TOR1B: variants seen among roughly 807,000 people sequenced by gnomAD.
TOR1B encodes the protein torsin-1B.
TOR1B carries 14 observed loss-of-function variants against 29.2 expected under a neutral mutation model. That is an observed-to-expected ratio of 0.48 (90% confidence interval 0.32 to 0.75). TOR1B has a LOEUF of 0.75. Among genes scored for constraint, TOR1B ranks in the 30% least tolerant of loss-of-function variants. The pLI is 0.04. For synonymous variants in TOR1B, 166 were observed against 179.8 expected (o/e 0.92, Z 0.62); for missense variants, 400 against 433.9 (o/e 0.92, Z 0.69).
intron 2 of TOR1B, among the ~76,000 whole-genome samples, chr9:129,806,120 C>G (rs906178645): frequency 8.2e-6 from 1 of 122,618 alleles, no homozygotes; most frequent in Non-Finnish European, 1.7e-5. Flanking sequence ...GACTCTATCT[C>G]AAAAAAAAAA....
rs1027243266 is a variant in TOR1B, at chr9:129,803,222, G to C, written c.10G>C (p.Ala4Pro). The C allele has an allele frequency of 2.0e-6, 3 of 1,516,088 alleles. No individual in the cohort carries two copies. The East Asian group carries it at 7.6e-5, about 39-fold the overall frequency. The allele number at this position is 1,516,088 out of a possible 1,614,324, so 93.9% of individuals were successfully genotyped here. ...GGCTTCGAGGAGCGGGATGTTGCGG[G>C]CTGGGTGGCTCCGGGGCGCGGCGGC... MLR[A>P]GWLRGAAALA... The change falls in exon 1 of 5, where the codon GCT becomes CCT. Residue 4 changes from alanine to proline, a missense_variant. Transcript: ENST00000259339.
rs2030774167 is a variant in TOR1B, at chr9:129,810,311, C to T, written c.*728C>T. ...GACCGGAGGATGTGGCCGTGCCCGC[C>T]GAGCACTCTTGATCTGAGCTGACCT... is the stretch of plus-strand genomic sequence containing the variant. On this transcript the variant is annotated 3_prime_UTR_variant, in exon 5 of 5. Transcript: ENST00000259339. 11 of 1,295,016 alleles carry T rather than the reference C, an allele frequency of 8.5e-6. No homozygotes were observed. The highest frequency in any genetic ancestry group is 1.2e-5 in the South Asian group (1 of 80,730). The allele number at this position is 1,295,016 out of a possible 1,614,324, so 80.2% of individuals were successfully genotyped here.
chr9:129,804,264 C>G lies in TOR1B; in HGVS notation c.391C>G (p.Leu131Val), dbSNP rs904957515. ...GGCTGAAAATCTTCACCCAAAAGGT[C>G]TGAAGAGTAACTTTGTCCACCTGTT... ...IVAENLHPKG[L>V]KSNFVHLFVS... The change falls in exon 2 of 5, where the codon CTG becomes GTG. Residue 131 changes from leucine to valine, a missense_variant. Coordinates refer to ENST00000259339, the MANE Select transcript of TOR1B (RefSeq NM_014506.3). The G allele has an allele frequency of 3.1e-6, 5 of 1,614,222 alleles. No homozygotes were observed. The highest frequency in any genetic ancestry group is 4.2e-6 in the Non-Finnish European group (5 of 1,180,044).
At chr9:129,806,094 C>G (rs1819115106) in intron 2 of TOR1B, among the ~76,000 whole-genome samples, 1 of 148,326 alleles carries the variant, frequency 6.7e-6, no homozygotes, top group Non-Finnish European at 1.5e-5. Flanking sequence ...GCATTCCAGT[C>G]TGGGCGACAG....
chr9:129,809,620 C>A lies in TOR1B; in HGVS notation c.*37C>A, dbSNP rs765279934. On this transcript the variant is annotated 3_prime_UTR_variant, in exon 5 of 5. Coordinates refer to ENST00000259339, the MANE Select transcript of TOR1B (RefSeq NM_014506.3). ...GATGGGGTAGGAGACAGCTGGGAGG[C>A]TCCGCACGCCAGAGGCCTTGCCTTT... is the stretch of plus-strand genomic sequence containing the variant. The A allele has an allele frequency of 2.5e-5, 40 of 1,611,320 alleles. No individual in the cohort carries two copies. In the South Asian group the frequency reaches 3.3e-4, roughly 13 times the overall value.
At chr9:129,807,653 C>G (rs1434155294) in intron 3 of TOR1B, among the ~76,000 whole-genome samples, 1 of 151,952 alleles carries the variant, frequency 6.6e-6, no homozygotes, top group Non-Finnish European at 1.5e-5. Context: ...CGAGACCATC[C>G]TGGCTAACAT....
At chr9:129,806,851 C>T (rs937750102) in intron 2 of TOR1B, among the ~76,000 whole-genome samples, 3 of 152,190 alleles carry the variant, frequency 2.0e-5, no homozygotes, top group African/African-American at 7.2e-5. Flanking sequence ...CGCCACTACA[C>T]ACCAGCCTGG....
In TOR1B at chr9:129,803,394, G is replaced by T. The variant is rs1440274646; in HGVS notation, c.182G>T (p.Arg61Leu). The change falls in exon 1 of 5, where the codon CGG (arginine) becomes CTG (leucine). Residue 61 changes from arginine to leucine, a missense_variant. By Grantham distance (102) the Arg-to-Leu change is moderately radical (BLOSUM62 -2). Coordinates refer to ENST00000259339, the MANE Select transcript of TOR1B (RefSeq NM_014506.3). The stretch of plus-strand genomic sequence containing the variant: ...TTCGCCGAGTGCTGCCGCGAGGAGC[G>T]GCCGCTCAACGCTTCGGGTACGGCG... ...CRFAECCREE[R>L]PLNASALKLD... 1.3e-6 allele frequency: 2 copies of T among 1,548,964 alleles called. No homozygotes were observed. The highest frequency in any genetic ancestry group is 1.7e-6 in the Non-Finnish European group (2 of 1,151,308).
rs1437005968 is a variant in TOR1B at position 129,803,386 on chromosome 9, C to T, written c.174C>T (p.Arg58=). ...ACTGCCGCTTCGCCGAGTGCTGCCG[C>T]GAGGAGCGGCCGCTCAACGCTTCGG... ...DIYCRFAECC[R]EERPLNASAL... The change falls in exon 1 of 5, where the codon CGC becomes CGT. Residue 58 remains arginine (R), a synonymous_variant. Transcript: ENST00000259339. 11 of 1,551,182 alleles carry T rather than the reference C, an allele frequency of 7.1e-6. No individual in the cohort carries two copies. The highest frequency in any genetic ancestry group is 9.5e-6 in the Non-Finnish European group (11 of 1,152,190).
intron 1 of TOR1B, 44 bp downstream of exon 1, chr9:129,803,455 CG>C: frequency 8.8e-6 from 6 of 678,974 alleles, no homozygotes; most frequent in South Asian, 5.0e-5. Flanking sequence ...GCGGGGGGCG[CG>C]GGGGCGCGGG....
At position 129,810,138 on chromosome 9, in the gene TOR1B, G is replaced by A. The variant is rs1274356428; in HGVS notation, c.*555G>A. 3.1e-6 allele frequency: 4 copies of A among 1,301,966 alleles called. No individual in the cohort carries two copies. The highest frequency in any genetic ancestry group is 2.5e-5 in the South Asian group (2 of 80,958). 80.7% of individuals were successfully genotyped at this position (1,301,966 alleles called of 1,614,324 possible). ...CCAGGGACTTGCTGCAGGCTGGGGG[G>A]CACTGGGTGGTTCTCACCAGCAGGC... On this transcript the variant is annotated 3_prime_UTR_variant, in exon 5 of 5. Transcript: ENST00000259339.
chr9:129,810,551 T>A lies in TOR1B; in HGVS notation c.*968T>A. On this transcript the variant is annotated 3_prime_UTR_variant, in exon 5 of 5. Coordinates refer to ENST00000259339, the MANE Select transcript of TOR1B (RefSeq NM_014506.3). ...GTCCCCCCAACCATATATCATAGAG[T>A]TGAATCACAATGAGACCGTTGGCTT... is the stretch of plus-strand genomic sequence containing the variant. The A allele has an allele frequency of 1.7e-6, 1 of 601,338 alleles. No individual in the cohort carries two copies. Among genetic ancestry groups the A allele is most frequent in the Non-Finnish European group, 2.2e-6 (1 of 452,348 alleles). 37.3% of individuals were successfully genotyped at this position (601,338 alleles called of 1,614,324 possible).
rs373951978 is a variant in TOR1B, at chr9:129,804,154, G to A, written c.281G>A (p.Arg94Lys). 4 of 1,614,078 alleles carry A rather than the reference G, an allele frequency of 2.5e-6. No individual in the cohort carries two copies. Among genetic ancestry groups the A allele is most frequent in the Non-Finnish European group, 3.4e-6 (4 of 1,180,050 alleles). Residue 94 changes from arginine to lysine, a missense_variant, in exon 2 of 5, where the codon AGG (arginine) becomes AAG (lysine). Transcript: ENST00000259339. ...ATTTTCAAGGCGCTGACTGGCTTCA[G>A]GAACAACAAAAATCCCAAGAAACCA... Reference protein sequence around the residue: ...EVIFKALTGFRNNKNPKKPLT... With the variant: ...EVIFKALTGFKNNKNPKKPLT...
chr9:129,809,144 A>ACC (rs2030682788), intron 4 of TOR1B, 112 bp downstream of exon 4: 1 of 1,522,062 alleles, frequency 6.6e-7, no homozygotes. Flanking sequence ...TCACTTTGCT[A>ACC]AAGTCAGGAA....
In TOR1B at chr9:129,810,239, T is replaced by A. The variant is rs1303487055; in HGVS notation, c.*656T>A. ...GTTCTTTACACAGAGTTCACTGACT[T>A]GAAGTATACTCAGTTAAAATCGGGG... On this transcript the variant is annotated 3_prime_UTR_variant, in exon 5 of 5. Transcript: ENST00000259339. The A allele has an allele frequency of 7.7e-7, 1 of 1,303,920 alleles. No homozygotes were observed. The highest frequency in any genetic ancestry group is 1.0e-6 in the Non-Finnish European group (1 of 988,928). 80.8% of individuals were successfully genotyped at this position (1,303,920 alleles called of 1,614,324 possible). A position where few individuals can be genotyped will look rare whatever the true frequency, so the allele number is the denominator to read the frequency against.
rs2030545121 is a variant in TOR1B, at chr9:129,807,287, G to A, written c.565G>A (p.Ala189Thr). ...TAAATTGCACCCCGGGATCATTGAC[G>A]CAATCAAGCCGTTTCTAGACTACTA... ...MDKLHPGIID[A>T]IKPFLDYYEQ... The change falls in exon 3 of 5, where the codon GCA becomes ACA. Residue 189 changes from alanine (A) to threonine (T), a missense_variant. Transcript: ENST00000259339. The A allele has an allele frequency of 2.5e-6, 4 of 1,614,156 alleles. No individual in the cohort carries two copies. The highest frequency in any genetic ancestry group is 3.4e-6 in the Non-Finnish European group (4 of 1,180,040).
chr9:129,804,353 T>C lies in TOR1B; in HGVS notation c.465+15T>C. 1 of 1,606,548 alleles carries C rather than the reference T, an allele frequency of 6.2e-7. No homozygotes were observed. The highest frequency in any genetic ancestry group is 8.5e-7 in the Non-Finnish European group (1 of 1,173,528). On this transcript the variant is annotated intron_variant, in intron 2 of 4. Transcript: ENST00000259339. ...AACTGTACCAGGCAAGAGAACCCGC[T>C]ATTATCTCGTCTGCAGGCCAGTCGG...
intron 2 of TOR1B, among the ~76,000 whole-genome samples, chr9:129,805,323 G>A (rs2030418732): frequency 6.6e-6 from 1 of 151,792 alleles, no homozygotes; most frequent in East Asian, 1.9e-4. Context: ...GCGTGATGGC[G>A]TGCGCCTGTA....
Position 129,803,281 on chromosome 9 carries a change from G to T in TOR1B, c.69G>T (p.Ala23=), listed in dbSNP as rs535939331. Residue 23 remains alanine (A), a synonymous_variant, in exon 1 of 5, where the codon GCG becomes GCT. Coordinates refer to ENST00000259339, the MANE Select transcript of TOR1B (RefSeq NM_014506.3). ...TGCTGCTGGCGGCCCGAGTGGTGGC[G>T]GCGTTCGAGCCCATCACCGTGGGCC... ...LALLLAARVV[A]AFEPITVGLA... 13 of 1,571,414 alleles carry T rather than the reference G, an allele frequency of 8.3e-6. No individual in the cohort carries two copies. The African/African-American group carries it at 1.5e-4, about 19-fold the overall frequency.
Sources: gnomAD v4.1 joint callset for allele counts (sites outside exome capture counted in the v4.1 genomes callset) on GRCh38, gnomAD v4.1.1 for gene constraint, MANE v1.5 for transcripts, NCBI Gene and HGNC (gene_info 2026-07-23, HGNC 2026-07-21) for gene names.